The following SGCA variants were observed in gnomAD, a reference collection of about 807,000 sequenced individuals.
SGCA encodes sarcoglycan alpha, also known as alpha-sarcoglycan.
A neutral mutation model predicts 38.1 loss-of-function variants in SGCA; 34 were observed. The ratio of observed to expected loss-of-function variants is 0.89; its 90% confidence interval spans 0.68 to 1.19. The LOEUF is 1.19. SGCA is among the 50% of genes most tolerant of loss of function. The pLI is 0.00. For missense variants in SGCA, 476 were observed against 524.9 expected (o/e 0.91, Z 0.91); for synonymous variants, 209 against 214.6 (o/e 0.97, Z 0.23).
intron 8 of SGCA, chr17:50,171,704 C>A (rs1159531925): frequency 2.2e-6 from 1 of 456,798 alleles, no homozygotes; most frequent in Non-Finnish European, 4.4e-6. Flanking sequence ...GAGCCTGAGG[C>A]CCCCCTGCCG....
chr17:50,174,359 C>T (rs1380098431), intron 8 of SGCA, among the ~76,000 whole-genome samples: 1 of 152,066 alleles, frequency 6.6e-6, no homozygotes, highest in East Asian at 1.9e-4. Flanking sequence ...ATATAAAGCT[C>T]AGCAAACACT....
intron 6 of SGCA, chr17:50,169,775 G>A (rs115738022): frequency 2.7e-4 from 112 of 410,142 alleles, no homozygotes; most frequent in African/African-American, 2.2e-3. Flanking sequence ...CAACAGAGCA[G>A]GGACTCATTC....
chr17:50,170,385 G>A (rs376296830), intron 7 of SGCA, 34 bp downstream of exon 7: 6 of 1,590,352 alleles, frequency 3.8e-6, no homozygotes, highest in African/African-American at 1.3e-5. Context: ...GGGAGCACCT[G>A]CTGGAGCTCA....
intron 6 of SGCA, chr17:50,169,537 G>A (rs1391402172): frequency 1.0e-5 from 5 of 500,684 alleles, no homozygotes; most frequent in Non-Finnish European, 1.4e-5. Flanking sequence ...GATCTGCCCA[G>A]GTCAACAGCT....
Position 50,168,396 on chromosome 17 carries a change from C to T in SGCA, c.408C>T (p.Ala136=), listed in dbSNP as rs143551687. The change falls in exon 5 of 10, where the codon GCC becomes GCT. Residue 136 remains alanine, a synonymous_variant. Transcript: ENST00000262018. Reference sequence around the variant, plus strand: ...CAGGCCCCCTGCTGCCATACCAAGCCGAGTTCCTGGTGCGCAGCCACGATG... The same window carrying T: ...CAGGCCCCCTGCTGCCATACCAAGCTGAGTTCCTGGTGCGCAGCCACGATG... ...DPEGPLLPYQ[A]EFLVRSHDAE... 104 of 1,586,074 alleles carry T rather than the reference C, an allele frequency of 6.6e-5. No homozygotes were observed. Among genetic ancestry groups the T allele is most frequent in the South Asian group, 5.8e-4 (50 of 86,816 alleles).
rs2696288 is a variant in SGCA at position 50,175,443 on chromosome 17, T to C, written c.*6T>C. The C allele has an allele frequency of 0.95, 1,537,294 of 1,612,590 alleles. 733,968 individuals are homozygous for C. The highest frequency in any genetic ancestry group is 1 in the East Asian group (44,886 of 44,888). On this transcript the variant is annotated 3_prime_UTR_variant, in exon 9 of 10. Transcript: ENST00000262018. ...TCATTCTGGACCAGCACTGACAGCC[T>C]AGCCAGGTAGGTCTGGTGGGTGATG...
At position 50,175,723 on chromosome 17, in the gene SGCA, C is replaced by T. The variant is rs754827696; in HGVS notation, c.*24C>T. The T allele has an allele frequency of 4.8e-6, 3 of 619,790 alleles. No homozygotes were observed. The highest frequency in any genetic ancestry group is 4.2e-5 in the Admixed American group (2 of 47,250). The allele number at this position is 619,790 out of a possible 1,614,324, so 38.4% of individuals were successfully genotyped here. A position where few individuals can be genotyped will look rare whatever the true frequency, so the allele number is the denominator to read the frequency against. The stretch of plus-strand genomic sequence containing the variant: ...CTCTCTTCCCACAGTGGTTCCAGGT[C>T]CAGCCCTGACTTCATCCTCCCTTCT... On this transcript the variant is annotated 3_prime_UTR_variant, in exon 10 of 10. Transcript: ENST00000262018.
At chr17:50,175,482 T>G in intron 9 of SGCA, 33 bp downstream of exon 9, 1 of 1,578,648 alleles carries the variant, frequency 6.3e-7, no homozygotes, top group East Asian at 2.2e-5. Flanking sequence ...GCCTTATTTC[T>G]GGGAACAAGA....
At chr17:50,172,432 GGTGCGTGCACATATGCATGT>G (rs1374951586) in intron 8 of SGCA, 7 of 395,772 alleles carry the variant, frequency 1.8e-5, no homozygotes, top group Non-Finnish European at 3.1e-5. Flanking sequence ...GGGCCTGCAC[GGTGCGTGCACATATGCATGT>G]GTGTGTGCAC....
At chr17:50,174,279 C>T (rs537868035) in intron 8 of SGCA, among the ~76,000 whole-genome samples, 287 of 152,142 alleles carry the variant, frequency 1.9e-3, no homozygotes, top group Non-Finnish European at 3.1e-3. Context: ...TACGATTGTG[C>T]CACTGCACTG....
At chr17:50,169,443 ACACC>A (rs935442514) in intron 6 of SGCA, 189 bp downstream of exon 6, 2 of 588,608 alleles carry the variant, frequency 3.4e-6, no homozygotes, top group African/African-American at 3.8e-5. Flanking sequence ...ACACACACAC[ACACC>A]CCTGAAGTTC....
chr17:50,168,057 C>G lies in SGCA; in HGVS notation c.385+38C>G, dbSNP rs766946752. The G allele has an allele frequency of 1.9e-6, 3 of 1,558,388 alleles. No homozygotes were observed. In the South Asian group the frequency reaches 3.3e-5, roughly 17 times the overall value. On this transcript the variant is annotated intron_variant, in intron 4 of 9. Transcript: ENST00000262018. ...GTGCCCCATCCCTTCCCCACCAATG[C>G]CAGTCTTGGGGAATCTCTCCCGGAG...
At position 50,169,414 on chromosome 17, in the gene SGCA, TACACACACACACAC is replaced by T. The variant is rs3138607; in HGVS notation, c.747+179_747+192del. The stretch of plus-strand genomic sequence containing the variant: ...ATTGCCCACAGGCTTAGTCTGAGGA[TACACACACACACAC>T]ACACACACACACACACACCCCTGAA... On this transcript the variant is annotated intron_variant, in intron 6 of 9. Transcript: ENST00000262018. The T allele has an allele frequency of 5.4e-4, 261 of 481,470 alleles. 1 individual carries two copies. Among genetic ancestry groups the T allele is most frequent in the African/African-American group, 4.9e-3 (237 of 48,348 alleles). The allele number at this position is 481,470 out of a possible 1,614,324, so 29.8% of individuals were successfully genotyped here. A position where few individuals can be genotyped will look rare whatever the true frequency, so the allele number is the denominator to read the frequency against.
rs1408325793 is a variant in SGCA, at chr17:50,167,403, C to A, written c.73C>A (p.Gln25Lys). ...LAGLGDTEAQ[Q>K]TTLHPLVGRV... ...AGGGCTGGGGGACACCGAGGCCCAGCAGACCACGCTACACCCACTTGTGGG... is the reference window on the plus strand; with the variant it reads ...AGGGCTGGGGGACACCGAGGCCCAGAAGACCACGCTACACCCACTTGTGGG... The change falls in exon 2 of 10, where the codon CAG (glutamine) becomes AAG (lysine). Residue 25 changes from glutamine (Q) to lysine (K), a missense_variant. Gln to Lys is a moderately conservative substitution (Grantham distance 53). Coordinates refer to ENST00000262018, the MANE Select transcript of SGCA (RefSeq NM_000023.4). This position sits in a 1 kb window ranked among gnomAD's most constrained non-coding sequence, Gnocchi z 4.5. The A allele has an allele frequency of 6.2e-7, 1 of 1,614,190 alleles. No individual in the cohort carries two copies. Among genetic ancestry groups the A allele is most frequent in the Admixed American group, 1.7e-5 (1 of 60,028 alleles).
intron 1 of SGCA, among the ~76,000 whole-genome samples, chr17:50,166,955 T>C (rs1598263550): frequency 2.7e-5 from 2 of 74,812 alleles, no homozygotes; most frequent in African/African-American, 1.1e-4. Flanking sequence ...ACACACACCC[T>C]CTCACACACA....
In SGCA at chr17:50,167,535, G is replaced by T. The variant is rs147145924; in HGVS notation, c.158-47G>T. The T allele has an allele frequency of 1.2e-6, 2 of 1,613,986 alleles. No individual in the cohort carries two copies. Among genetic ancestry groups the T allele is most frequent in the East Asian group, 2.2e-5 (1 of 44,890 alleles). ...AGGCGGGCGGGCTGGGGTGTACCCC[G>T]CAGGGCTCCTGCTGTGACTCGAATC... is the stretch of plus-strand genomic sequence containing the variant. On this transcript the variant is annotated intron_variant, in intron 2 of 9. Coordinates refer to ENST00000262018, the MANE Select transcript of SGCA (RefSeq NM_000023.4). This position sits in a 1 kb window ranked among gnomAD's most constrained non-coding sequence, Gnocchi z 4.5.
chr17:50,166,789 ACCCTC>A (rs1485997762), intron 1 of SGCA, among the ~76,000 whole-genome samples: 2 of 97,680 alleles, frequency 2.0e-5, no homozygotes, highest in African/African-American at 8.5e-5. Context: ...ACCCTCACAC[ACCCTC>A]ACACACACAC....
chr17:50,170,333 G>A lies in SGCA; in HGVS notation c.938G>A (p.Cys313Tyr). 1 of 1,613,740 alleles carries A rather than the reference G, an allele frequency of 6.2e-7. No individual in the cohort carries two copies. Among genetic ancestry groups the A allele is most frequent in the Non-Finnish European group, 8.5e-7 (1 of 1,179,644 alleles). ...ACCTTGCTGCTGGCCTATGTCATGT[G>A]CTGCCGGCGGGAGGGAAGGTGAATG... ...LLTLLLAYVMCCRREGRLKRD... is the reference protein window; with the variant it reads ...LLTLLLAYVMYCRREGRLKRD... The change falls in exon 7 of 10, where the codon TGC (cysteine) becomes TAC (tyrosine). Residue 313 changes from cysteine (C) to tyrosine (Y), a missense_variant. Coordinates refer to ENST00000262018, the MANE Select transcript of SGCA (RefSeq NM_000023.4).
rs771876078 is a variant in SGCA at position 50,175,307 on chromosome 17, G to A, written c.1034G>A (p.Arg345Gln). 14 of 1,608,584 alleles carry A rather than the reference G, an allele frequency of 8.7e-6. No homozygotes were observed. Among genetic ancestry groups the A allele is most frequent in the South Asian group, 5.5e-5 (5 of 90,326 alleles). The change falls in exon 9 of 10, where the codon CGG becomes CAG. Residue 345 changes from arginine (R) to glutamine (Q), a missense_variant. Transcript: ENST00000262018. ...ATCCACGGGAACACAGAGGAGCTGC[G>A]GCAGATGGCGGCCAGCCGCGAGGTG... ...CTIHGNTEEL[R>Q]QMAASREVPR...
Sources: allele counts gnomAD v4.1 joint callset (sites outside exome capture counted in the v4.1 genomes callset), GRCh38; gene constraint gnomAD v4.1.1; non-coding constraint Gnocchi (gnomAD v3.1); transcripts MANE v1.5; gene names NCBI Gene and HGNC (gene_info 2026-07-23, HGNC 2026-07-21).